SLC16A2: variants seen among roughly 807,000 people sequenced by gnomAD.
SLC16A2 encodes solute carrier family 16 member 2, also known as monocarboxylate transporter 8.
In SLC16A2, 3 loss-of-function variants were observed where a neutral mutation model predicts 27.2. The observed-to-expected ratio is 0.11, with a 90% CI of 0.05 to 0.28. The LOEUF is 0.28. Among genes scored for constraint, SLC16A2 ranks in the 10% least tolerant of loss-of-function variants. SLC16A2 has a pLI of 1.00. For synonymous variants in SLC16A2, 202 were observed against 187.8 expected (o/e 1.08, Z -0.62); for missense variants, 295 against 458.5 (o/e 0.64, Z 3.26).
chrX:74,496,272 ACACG>A (rs1489702048), intron 1 of SLC16A2, among the ~76,000 whole-genome samples: 37 of 39,327 alleles, frequency 9.4e-4, no homozygotes, highest in African/African-American at 1.8e-3. Context: ...ACACACACAC[ACACG>A]CACACACACA....
At chrX:74,508,882 T>C (rs1251552293) in intron 1 of SLC16A2, among the ~76,000 whole-genome samples, 1 of 112,114 alleles carries the variant, frequency 8.9e-6, no homozygotes, top group African/African-American at 3.2e-5. Flanking sequence ...CTTCTTACTG[T>C]CTTATTGCAT....
chrX:74,505,137 T>G (rs187201719), intron 1 of SLC16A2, among the ~76,000 whole-genome samples: 1 of 111,894 alleles, frequency 8.9e-6, no homozygotes, highest in East Asian at 2.8e-4. Flanking sequence ...GATAGTTTAG[T>G]GGCTAGGAAA....
chrX:74,449,834 G>T (rs1928905840), intron 1 of SLC16A2, among the ~76,000 whole-genome samples: 1 of 111,600 alleles, frequency 9.0e-6, no homozygotes, highest in Admixed American at 9.5e-5. Flanking sequence ...TTTAAGTTTG[G>T]CAGCTGTTTT....
intron 5 of SLC16A2, among the ~76,000 whole-genome samples, chrX:74,529,708 C>T (rs766512090): frequency 2.4e-4 from 26 of 106,175 alleles, no homozygotes; most frequent in Non-Finnish European, 4.4e-4. Context: ...ATCCTTCCAG[C>T]GGGGTGGAGA....
chrX:74,524,309 T>C (rs752609532), intron 2 of SLC16A2, 50 bp from the exon 3 acceptor site: 1 of 1,166,932 alleles, frequency 8.6e-7, no homozygotes, highest in African/African-American at 1.8e-5. Flanking sequence ...GGAGGGCAGG[T>C]AGATTGCTGG....
chrX:74,494,449 T>C (rs1470459995), intron 1 of SLC16A2, among the ~76,000 whole-genome samples: 9 of 111,431 alleles, frequency 8.1e-5, no homozygotes, highest in Non-Finnish European at 1.7e-4. Context: ...AACTACAGTG[T>C]CGTTATAACA....
At chrX:74,431,733 T>C (rs1928537586) in intron 1 of SLC16A2, among the ~76,000 whole-genome samples, 1 of 112,448 alleles carries the variant, frequency 8.9e-6, no homozygotes. Context: ...GTATCTACTT[T>C]AATAAGAAAA....
intron 1 of SLC16A2, among the ~76,000 whole-genome samples, chrX:74,447,670 G>T (rs1186955066): frequency 9.5e-6 from 1 of 105,472 alleles, no homozygotes; most frequent in Admixed American, 1.0e-4. Context: ...GTGAGAACCT[G>T]TTTCTATGTA....
At chrX:74,452,520 CAG>C (rs1018262105) in intron 1 of SLC16A2, among the ~76,000 whole-genome samples, 1 of 111,303 alleles carries the variant, frequency 9.0e-6, no homozygotes, top group Non-Finnish European at 1.9e-5. Context: ...TAGAAAATTT[CAG>C]AGTTTGTCAC....
At chrX:74,521,286 T>A in intron 2 of SLC16A2, 152 bp downstream of exon 2, 1 of 680,440 alleles carries the variant, frequency 1.5e-6, no homozygotes, top group Non-Finnish European at 2.3e-6. Flanking sequence ...CAGAATCCAG[T>A]GAATTCATCT....
chrX:74,437,371 C>T (rs749157230), intron 1 of SLC16A2, among the ~76,000 whole-genome samples: 8 of 112,283 alleles, frequency 7.1e-5, no homozygotes, highest in East Asian at 2.8e-4. Context: ...CTCCACATGA[C>T]GAGGAGATCA....
rs1236056063 is a variant in SLC16A2 at position 74,472,680 on chromosome X, A to T, written c.431-48310A>T. Among the ~76,000 whole-genome samples the T allele has an allele frequency of 4.6e-5, 5 of 109,123 alleles. No homozygotes were observed. The South Asian group carries it at 1.6e-3, about 34-fold the overall frequency. 94.8% of individuals were successfully genotyped at this position (109,123 alleles called of 115,157 possible). Reference sequence around the variant, plus strand: ...TTTTTCTTCTTTCTTCTTTTTTTTTAAAAAGACATTTATTCAGCATCATAA... The same window carrying T: ...TTTTTCTTCTTTCTTCTTTTTTTTTTAAAAGACATTTATTCAGCATCATAA... On this transcript the variant is annotated intron_variant, in intron 1 of 5. Coordinates refer to ENST00000587091, the MANE Select transcript of SLC16A2 (RefSeq NM_006517.5).
At chrX:74,435,850 GCTCTGT>G (rs1214818870) in intron 1 of SLC16A2, among the ~76,000 whole-genome samples, 1 of 109,942 alleles carries the variant, frequency 9.1e-6, no homozygotes, top group African/African-American at 3.3e-5. Context: ...TCTGGTTCTG[GCTCTGT>G]TACTGGCTGT....
At chrX:74,468,959 C>A (rs1035796905) in intron 1 of SLC16A2, among the ~76,000 whole-genome samples, 2 of 111,353 alleles carry the variant, frequency 1.8e-5, no homozygotes, top group African/African-American at 3.3e-5. Context: ...ATTAGCCAAC[C>A]CTTCTTTATC....
At chrX:74,445,967 T>C (rs896692955) in intron 1 of SLC16A2, among the ~76,000 whole-genome samples, 2 of 111,257 alleles carry the variant, frequency 1.8e-5, no homozygotes, top group African/African-American at 6.5e-5. Context: ...GTCAGATTTT[T>C]AGCTTTTCCT....
intron 1 of SLC16A2, among the ~76,000 whole-genome samples, chrX:74,465,907 C>T (rs887191934): frequency 1.8e-5 from 2 of 111,118 alleles, no homozygotes; most frequent in Non-Finnish European, 3.8e-5. Flanking sequence ...TCCCAGCCCC[C>T]AGGGAATGAG....
chrX:74,507,054 C>T (rs1391174795), intron 1 of SLC16A2, among the ~76,000 whole-genome samples: 4 of 108,128 alleles, frequency 3.7e-5, no homozygotes, highest in East Asian at 2.9e-4. Flanking sequence ...CCTCAACACC[C>T]GCTCCCCCCC....
intron 1 of SLC16A2, among the ~76,000 whole-genome samples, chrX:74,467,031 AGCACC>A (rs1343209000): frequency 0.017 from 1,880 of 110,863 alleles, 41 homozygotes; most frequent in African/African-American, 0.059. Context: ...ACCTTTCTTG[AGCACC>A]ATGTCACCAT....
intron 1 of SLC16A2, among the ~76,000 whole-genome samples, chrX:74,474,657 G>A (rs1929429083): frequency 9.1e-6 from 1 of 110,011 alleles, no homozygotes; most frequent in African/African-American, 3.3e-5. Flanking sequence ...AGGCCCTGGT[G>A]TGTGATGTTC....
Sources: allele counts gnomAD v4.1 joint callset (sites outside exome capture counted in the v4.1 genomes callset), GRCh38; gene constraint gnomAD v4.1.1; transcripts MANE v1.5; gene names NCBI Gene and HGNC (gene_info 2026-07-23, HGNC 2026-07-21).